KCTD8: variants seen among roughly 807,000 people sequenced by gnomAD.
KCTD8 encodes potassium channel tetramerization domain containing 8.
A neutral mutation model predicts 31.5 loss-of-function variants in KCTD8; 27 were observed. The observed-to-expected ratio is 0.86, with a 90% confidence interval of 0.63 to 1.18. The LOEUF is 1.18. Among genes scored for constraint, KCTD8 ranks in the 50% most tolerant of loss-of-function variants. The probability of loss-of-function intolerance (pLI) is 0.00; values close to 1 mark genes in which losing one functional copy is unlikely to be tolerated. For missense variants in KCTD8, 658 were observed against 647.7 expected (o/e 1.02, Z -0.17); for synonymous variants, 290 against 280.0 (o/e 1.04, Z -0.36).
intron 1 of KCTD8, among the ~76,000 whole-genome samples, chr4:44,396,666 C>T (rs1354584135): frequency 6.6e-6 from 1 of 152,006 alleles, no homozygotes; most frequent in Admixed American, 6.6e-5. Flanking sequence ...ATCTTGGTTA[C>T]CCTAACCTAT....
chr4:44,429,787 T>C (rs1161137188), intron 1 of KCTD8, among the ~76,000 whole-genome samples: 2 of 151,628 alleles, frequency 1.3e-5, no homozygotes, highest in Non-Finnish European at 3.0e-5. Context: ...CTGCAGGTAA[T>C]AGAGCCCAGA....
intron 1 of KCTD8, among the ~76,000 whole-genome samples, chr4:44,184,931 G>C (rs1713534310): frequency 6.6e-6 from 1 of 152,112 alleles, no homozygotes; most frequent in African/African-American, 2.4e-5. Context: ...AGTTCAGGAG[G>C]CTGATTTGTA....
intron 1 of KCTD8, among the ~76,000 whole-genome samples, chr4:44,366,055 G>A (rs1002324651): frequency 2.6e-5 from 4 of 152,016 alleles, no homozygotes; most frequent in African/African-American, 9.7e-5. Flanking sequence ...ATTATATATC[G>A]GTTGTCTGCA....
chr4:44,209,324 T>G (rs1351057854), intron 1 of KCTD8, among the ~76,000 whole-genome samples: 1 of 152,164 alleles, frequency 6.6e-6, no homozygotes, highest in Non-Finnish European at 1.5e-5. Context: ...ACATATCAAG[T>G]TCAAATATGA....
chr4:44,213,338 C>T (rs1274834807), intron 1 of KCTD8, among the ~76,000 whole-genome samples: 3 of 151,956 alleles, frequency 2.0e-5, no homozygotes, highest in African/African-American at 2.4e-5. Context: ...TTCTTTTAGT[C>T]GGTATGTAAA....
At chr4:44,250,437 T>C (rs1691818181) in intron 1 of KCTD8, among the ~76,000 whole-genome samples, 1 of 151,762 alleles carries the variant, frequency 6.6e-6, no homozygotes, top group Admixed American at 6.6e-5. Context: ...AAAGCTTACT[T>C]AATCATGTAG....
chr4:44,276,551 T>C (rs182028538), intron 1 of KCTD8, among the ~76,000 whole-genome samples: 70 of 152,076 alleles, frequency 4.6e-4, no homozygotes, highest in Middle Eastern at 3.4e-3. Flanking sequence ...TCCAAATAAA[T>C]AATAATGGCA....
intron 1 of KCTD8, among the ~76,000 whole-genome samples, chr4:44,407,905 C>T (rs921613958): frequency 2.0e-5 from 3 of 151,982 alleles, no homozygotes; most frequent in African/African-American, 7.3e-5. Context: ...CTTATTTGCT[C>T]ATTTTTATTC....
At chr4:44,393,084 G>T (rs1720411945) in intron 1 of KCTD8, among the ~76,000 whole-genome samples, 1 of 151,984 alleles carries the variant, frequency 6.6e-6, no homozygotes, top group Non-Finnish European at 1.5e-5. Context: ...ATGTGGGAAA[G>T]TTGCAATACT....
rs149721057 is a variant in KCTD8, at chr4:44,316,634, T to A, written c.961+130929A>T. Among the ~76,000 whole-genome samples, 488 of 151,694 alleles carry A rather than the reference T, an allele frequency of 3.2e-3. 4 individuals carry two copies. Among genetic ancestry groups the A allele is most frequent in the African/African-American group, 0.011 (464 of 41,404 alleles). ...ATTGAGGTATGTCAGCAGGTAATCT[T>A]CTTATAGTTTGAATAGATAAAAAAC... On this transcript the variant is annotated intron_variant, in intron 1 of 1. Coordinates refer to ENST00000360029, the MANE Select transcript of KCTD8 (RefSeq NM_198353.3).
chr4:44,302,930 G>C (rs567583289), intron 1 of KCTD8, among the ~76,000 whole-genome samples: 31 of 152,060 alleles, frequency 2.0e-4, no homozygotes, highest in South Asian at 1.2e-3. Flanking sequence ...TAGCATGAAG[G>C]GTTGTTGAAT....
intron 1 of KCTD8, among the ~76,000 whole-genome samples, chr4:44,326,880 C>T (rs888266703): frequency 3.3e-5 from 5 of 151,846 alleles, no homozygotes; most frequent in Non-Finnish European, 5.9e-5. Context: ...TCATATTCCT[C>T]ATCCCTTTAT....
At chr4:44,358,441 T>A in intron 1 of KCTD8, among the ~76,000 whole-genome samples, 1 of 152,218 alleles carries the variant, frequency 6.6e-6, no homozygotes, top group East Asian at 1.9e-4. Flanking sequence ...AAATGGTATT[T>A]CTGGCTCTAG....
intron 1 of KCTD8, among the ~76,000 whole-genome samples, chr4:44,378,882 T>G (rs1387685124): frequency 6.6e-6 from 1 of 152,152 alleles, no homozygotes; most frequent in Non-Finnish European, 1.5e-5. Context: ...AAAATCAAAG[T>G]GCTGACAAGA....
intron 1 of KCTD8, among the ~76,000 whole-genome samples, chr4:44,394,539 G>A (rs1419639874): frequency 6.6e-6 from 1 of 152,078 alleles, no homozygotes; most frequent in Non-Finnish European, 1.5e-5. Context: ...ACTCACTGAT[G>A]TGGTCATTAT....
chr4:44,177,267 C>G (rs1002942617), intron 1 of KCTD8, among the ~76,000 whole-genome samples: 118 of 152,154 alleles, frequency 7.8e-4, no homozygotes, highest in African/African-American at 2.4e-3. Flanking sequence ...ACTAGCAAGA[C>G]AACACCCTAA....
chr4:44,175,295 A>G (rs1325448183), intron 1 of KCTD8, 45 bp from the exon 2 acceptor site: 2 of 1,141,256 alleles, frequency 1.8e-6, no homozygotes, highest in East Asian at 2.4e-5. Context: ...ACAGTTGAAT[A>G]AGAAGTGTGA....
intron 1 of KCTD8, among the ~76,000 whole-genome samples, chr4:44,410,613 T>C (rs1720930334): frequency 6.6e-6 from 1 of 152,116 alleles, no homozygotes; most frequent in African/African-American, 2.4e-5. Context: ...GACTTACAGT[T>C]CCACATGGCT....
At chr4:44,375,855 A>C (rs1719904051) in intron 1 of KCTD8, among the ~76,000 whole-genome samples, 1 of 152,094 alleles carries the variant, frequency 6.6e-6, no homozygotes, top group African/African-American at 2.4e-5. Context: ...AATCCCTCGG[A>C]GATTATACTT....
Sources: allele counts gnomAD v4.1 joint callset (sites outside exome capture counted in the v4.1 genomes callset), GRCh38; gene constraint gnomAD v4.1.1; transcripts MANE v1.5; gene names NCBI Gene and HGNC (gene_info 2026-07-23, HGNC 2026-07-21).